Variants in GAK observed in about 807,000 individuals in gnomAD.
The protein encoded by GAK is cyclin-G-associated kinase.
Under a neutral mutation model 143.9 loss-of-function variants are expected in GAK, and 79 were observed. The observed-to-expected ratio is 0.55, with a 90% CI of 0.46 to 0.66. The LOEUF (loss-of-function observed/expected upper bound fraction) is 0.66, where lower values mean the gene tolerates loss of function less well. Ranked by LOEUF, GAK falls within the 30% of genes least tolerant of loss-of-function variation. The pLI, the probability that GAK is intolerant of heterozygous loss-of-function variation, is 0.00. For synonymous variants in GAK, 881 were observed against 765.5 expected, an observed-to-expected ratio of 1.15 and a Z score of -2.49; for missense variants, 1,693 against 1,779.7, an observed-to-expected ratio of 0.95 and a Z score of 0.88.
chr4:922,241 G>T (rs771656034), intron 1 of GAK, among the ~76,000 whole-genome samples: 3 of 152,052 alleles, frequency 2.0e-5, no homozygotes, highest in African/African-American at 7.2e-5. Context: ...TCGGCCGGGC[G>T]CGGTGGCTCA....
intron 15 of GAK, among the ~76,000 whole-genome samples, chr4:879,125 CGA>C (rs1367069070): frequency 1.3e-5 from 2 of 152,176 alleles, no homozygotes; most frequent in African/African-American, 4.8e-5. Flanking sequence ...AGGGAGACCA[CGA>C]GAGAATGGAT....
chr4:894,017 G>C lies in GAK; in HGVS notation c.742-8C>G. 1 of 1,591,258 alleles carries C rather than the reference G, an allele frequency of 6.3e-7. No individual in the cohort carries two copies. Among genetic ancestry groups the C allele is most frequent in the Non-Finnish European group, 8.6e-7 (1 of 1,168,898 alleles). Reference sequence around the variant, plus strand: ...CAAGATGCAGCCCAGGGCCTGCGGGGAGAGCAGGGGTGATGCCTAGGCCCA... The same window carrying C: ...CAAGATGCAGCCCAGGGCCTGCGGGCAGAGCAGGGGTGATGCCTAGGCCCA... On this transcript the variant is annotated splice_region_variant and splice_polypyrimidine_tract_variant and intron_variant, in intron 7 of 27. Transcript: ENST00000314167.
At chr4:882,577 C>G in intron 14 of GAK, 120 bp downstream of exon 14, 1 of 1,292,862 alleles carries the variant, frequency 7.7e-7, no homozygotes, top group Non-Finnish European at 1.1e-6. Flanking sequence ...GGACTTTCTT[C>G]CGTGTCCCAG....
chr4:929,470 C>A (rs973355885), intron 1 of GAK, among the ~76,000 whole-genome samples: 7 of 152,188 alleles, frequency 4.6e-5, no homozygotes, highest in African/African-American at 1.7e-4. Context: ...GAAGCAACGG[C>A]ACGCAGAACC....
intron 1 of GAK, among the ~76,000 whole-genome samples, chr4:928,998 GT>G (rs34221144): frequency 0.13 from 20,333 of 152,194 alleles, 1,744 homozygotes; most frequent in East Asian, 0.3. Context: ...CCGATCTCAG[GT>G]AATCCACCCG....
intron 17 of GAK, 97 bp downstream of exon 17, chr4:876,993 C>A: frequency 1.2e-6 from 1 of 840,434 alleles, no homozygotes; most frequent in Admixed American, 2.2e-5. Context: ...AGCGAGCACC[C>A]TGGACCCTCG....
intron 12 of GAK, 60 bp from the exon 13 acceptor site, chr4:883,523 G>A: frequency 6.3e-7 from 1 of 1,588,056 alleles, no homozygotes; most frequent in Non-Finnish European, 8.6e-7. Context: ...CCAGGCTGCT[G>A]CTGCGGCCTC....
intron 17 of GAK, 143 bp from the exon 18 acceptor site, chr4:876,752 G>C: frequency 2.8e-6 from 2 of 704,918 alleles, no homozygotes; most frequent in Non-Finnish European, 5.0e-6. Context: ...CACATGTTGT[G>C]GGGGAAGCGG....
At chr4:912,078 A>T (rs1282104731) in intron 3 of GAK, 4 of 472,684 alleles carry the variant, frequency 8.5e-6, no homozygotes. Context: ...AGGAGGAGGC[A>T]GGGCCCTCAG....
intron 19 of GAK, among the ~76,000 whole-genome samples, chr4:870,453 G>A (rs1712313014): frequency 6.6e-6 from 1 of 152,212 alleles, no homozygotes; most frequent in African/African-American, 2.4e-5. Context: ...CCAGGAGCCT[G>A]GGTTTTCCTC....
intron 19 of GAK, chr4:868,955 C>A: frequency 2.1e-6 from 1 of 472,638 alleles, no homozygotes; most frequent in Non-Finnish European, 3.9e-6. Flanking sequence ...AGGCATCAAA[C>A]GCCACACATA....
At chr4:888,661 C>T (rs376386047) in intron 11 of GAK, 186 bp downstream of exon 11, 13 of 685,304 alleles carry the variant, frequency 1.9e-5, no homozygotes, top group East Asian at 8.6e-5. Flanking sequence ...AGGGATCTGC[C>T]TGGCTCTGTG....
chr4:925,103 T>A (rs980212325), intron 1 of GAK, among the ~76,000 whole-genome samples: 5 of 152,184 alleles, frequency 3.3e-5, no homozygotes, highest in Admixed American at 6.5e-5. Flanking sequence ...AGGATATGAA[T>A]GTGCAATGCC....
chr4:861,027 G>T (rs1750184750), intron 23 of GAK, among the ~76,000 whole-genome samples: 1 of 152,168 alleles, frequency 6.6e-6, no homozygotes, highest in African/African-American at 2.4e-5. Context: ...AGTTGATGCT[G>T]CTGCTCTAAT....
chr4:850,124 GCACCGCGGAAACTGAGGC>G, intron 26 of GAK, 56 bp from the exon 27 acceptor site: 5 of 1,478,318 alleles, frequency 3.4e-6, no homozygotes, highest in Non-Finnish European at 4.6e-6. Context: ...CTCCTCCTCT[GCACCGCGGAAACTGAGGC>G]ACGACGCTGA....
chr4:883,802 C>T (rs1463215325), intron 12 of GAK, among the ~76,000 whole-genome samples: 1 of 152,248 alleles, frequency 6.6e-6, no homozygotes, highest in Non-Finnish European at 1.5e-5. Context: ...TTGTTCCTGG[C>T]ATGACCTCAG....
chr4:888,690 G>A (rs1014886210), intron 11 of GAK, 157 bp downstream of exon 11: 8 of 855,460 alleles, frequency 9.4e-6, no homozygotes, highest in Admixed American at 5.7e-5. Flanking sequence ...GGCTCATTCC[G>A]ACTCCCTGGG....
chr4:898,234 G>A (rs949194206), intron 5 of GAK, 76 bp from the exon 6 acceptor site: 1 of 1,563,150 alleles, frequency 6.4e-7, no homozygotes. Flanking sequence ...GAACGGGTGT[G>A]AGACACAGCC....
intron 23 of GAK, among the ~76,000 whole-genome samples, chr4:864,800 T>G (rs1463091567): frequency 6.6e-6 from 1 of 151,466 alleles, no homozygotes; most frequent in East Asian, 2.0e-4. Flanking sequence ...GTCCACAGAG[T>G]GTGGGGCATG....
Sources: allele counts gnomAD v4.1 joint callset (sites outside exome capture counted in the v4.1 genomes callset), GRCh38; gene constraint gnomAD v4.1.1; transcripts MANE v1.5; gene names NCBI Gene and HGNC (gene_info 2026-07-23, HGNC 2026-07-21).